The following RAB3GAP1 variants were observed in gnomAD, a reference collection of about 807,000 sequenced individuals.
The protein encoded by RAB3GAP1 is RAB3 GTPase activating protein catalytic subunit 1.
RAB3GAP1 carries 86 observed loss-of-function variants against 130.7 expected under a neutral mutation model. The observed-to-expected ratio is 0.66, with a 90% CI of 0.55 to 0.79. The LOEUF (loss-of-function observed/expected upper bound fraction) is 0.79. Among genes scored for constraint, RAB3GAP1 ranks in the 30% least tolerant of loss-of-function variants. The pLI is 0.00. For synonymous variants in RAB3GAP1, 367 were observed against 401.7 expected (o/e 0.91, Z 1.03); for missense variants, 1,029 against 1,169.4 (o/e 0.88, Z 1.75).
rs547455715 is a variant in RAB3GAP1, at chr2:135,129,882, AC to A, written c.974-112del. ...TTCAATGGAAAAACTGAATGGTTTT[AC>A]TTTCTACCATATCTTAGTTAATAGC... On this transcript the variant is annotated intron_variant, in intron 11 of 23. Transcript: ENST00000264158. The A allele has an allele frequency of 2.3e-4, 166 of 735,024 alleles. 1 individual carries two copies. The African/African-American group carries it at 2.4e-3, about 10-fold the overall frequency. The allele number at this position is 735,024 out of a possible 1,614,324, so 45.5% of individuals were successfully genotyped here. A position where few individuals can be genotyped will look rare whatever the true frequency, so the allele number is the denominator to read the frequency against.
At chr2:135,087,909 G>T (rs1437656902) in intron 3 of RAB3GAP1, among the ~76,000 whole-genome samples, 1 of 152,130 alleles carries the variant, frequency 6.6e-6, no homozygotes, top group Admixed American at 6.5e-5. Context: ...CAGTTTTGAT[G>T]AACTAGAATT....
At chr2:135,082,434 TACAC>T (rs1689851401) in intron 3 of RAB3GAP1, among the ~76,000 whole-genome samples, 2 of 151,692 alleles carry the variant, frequency 1.3e-5, no homozygotes, top group African/African-American at 4.8e-5. Context: ...AATCATATAA[TACAC>T]ACACTTTTTT....
rs575582659 is a variant in RAB3GAP1, at chr2:135,125,976, A to G, written c.831-205A>G. Among the ~76,000 whole-genome samples, 3 of 152,222 alleles carry G rather than the reference A, an allele frequency of 2.0e-5. No homozygotes were observed. In the East Asian group the frequency reaches 5.8e-4, roughly 29 times the overall value. ...GGTGGGTTATTTATGCTTTTTGGCTATTATGTATAATGAGATGAATGTTTG... is the reference window on the plus strand; with the variant it reads ...GGTGGGTTATTTATGCTTTTTGGCTGTTATGTATAATGAGATGAATGTTTG... On this transcript the variant is annotated intron_variant, in intron 9 of 23. Coordinates refer to ENST00000264158, the MANE Select transcript of RAB3GAP1 (RefSeq NM_012233.3).
At chr2:135,063,507 T>C (rs1440582989) in intron 3 of RAB3GAP1, among the ~76,000 whole-genome samples, 1 of 152,162 alleles carries the variant, frequency 6.6e-6, no homozygotes, top group African/African-American at 2.4e-5. Flanking sequence ...TAACCACTCT[T>C]CTACTTTCTG....
chr2:135,163,195 T>A, intron 22 of RAB3GAP1, 94 bp downstream of exon 22: 1 of 838,422 alleles, frequency 1.2e-6, no homozygotes, highest in African/African-American at 1.7e-5. Context: ...GACTCTTTTG[T>A]GGTAATCATA....
chr2:135,144,331 TTTC>T (rs60154573), intron 17 of RAB3GAP1, among the ~76,000 whole-genome samples: 9,066 of 152,176 alleles, frequency 0.06, 518 homozygotes, highest in African/African-American at 0.15. Flanking sequence ...AGTCGGGTGG[TTTC>T]TCTCTAAGTA....
At chr2:135,052,663 G>A (rs926145960) in intron 2 of RAB3GAP1, among the ~76,000 whole-genome samples, 178 bp downstream of exon 2, 1 of 152,160 alleles carries the variant, frequency 6.6e-6, no homozygotes, top group East Asian at 1.9e-4. Flanking sequence ...CGCGTCTCGC[G>A]TCTGGCAACA....
chr2:135,135,143 G>A, intron 15 of RAB3GAP1, 122 bp from the exon 16 acceptor site: 1 of 802,018 alleles, frequency 1.2e-6, no homozygotes, highest in Non-Finnish European at 2.1e-6. Flanking sequence ...TACCTTACCT[G>A]TGGAAATCTA....
At chr2:135,063,776 A>G (rs1051383696) in intron 3 of RAB3GAP1, among the ~76,000 whole-genome samples, 13 of 152,198 alleles carry the variant, frequency 8.5e-5, no homozygotes, top group African/African-American at 2.7e-4. Flanking sequence ...TAATGCTGCT[A>G]TGAACGTGAA....
rs1156713470 is a variant in RAB3GAP1, at chr2:135,164,117, C to T, written c.2607-477C>T. On this transcript the variant is annotated intron_variant, in intron 22 of 23. Coordinates refer to ENST00000264158, the MANE Select transcript of RAB3GAP1 (RefSeq NM_012233.3). ...TCAGTGTTTCCAGCATCTAATGGCA[C>T]AGTTTACAATTGCGACTTTGCCCAA... is the stretch of plus-strand genomic sequence containing the variant. Among the ~76,000 whole-genome samples the T allele has an allele frequency of 3.3e-5, 5 of 152,160 alleles. No homozygotes were observed. In the South Asian group the frequency reaches 1.0e-3, roughly 32 times the overall value.
In RAB3GAP1 at chr2:135,113,151, G is replaced by C; in HGVS notation, c.363G>C (p.Trp121Cys). The C allele has an allele frequency of 1.2e-6, 2 of 1,614,008 alleles. No homozygotes were observed. The highest frequency in any genetic ancestry group is 1.7e-6 in the Non-Finnish European group (2 of 1,179,990). ...FPPRAHCLVR[W>C]YGLREFVVIA... ...TAATGCAGTTAATTCTTTTTTTAAGGTATGGGCTACGTGAGTTCGTGGTGA... is the reference window on the plus strand; with the variant it reads ...TAATGCAGTTAATTCTTTTTTTAAGCTATGGGCTACGTGAGTTCGTGGTGA... The change falls in exon 6 of 24, where the codon TGG (tryptophan) becomes TGC (cysteine). Residue 121 changes from tryptophan to cysteine, a missense_variant and splice_region_variant. By Grantham distance (215) the Trp-to-Cys change is radical. This residue lies in a region of RAB3GAP1 where 510 missense variants were observed against 532.1 expected (regional missense o/e 0.96). Coordinates refer to ENST00000264158, the MANE Select transcript of RAB3GAP1 (RefSeq NM_012233.3).
In RAB3GAP1 at chr2:135,129,497, G is replaced by A. The variant is rs151299304; in HGVS notation, c.974-498G>A. ...AATAAAAAATAATAGTAATAATGAC[G>A]GAAAGAATACCATTAATATGTAGCA... On this transcript the variant is annotated intron_variant, in intron 11 of 23. Transcript: ENST00000264158. Among the ~76,000 whole-genome samples the A allele has an allele frequency of 1.6e-3, 238 of 151,328 alleles. 5 individuals carry two copies. Among genetic ancestry groups the A allele is most frequent in the Admixed American group, 0.011 (171 of 15,216 alleles).
rs1164931228 is a variant in RAB3GAP1 at position 135,124,256 on chromosome 2, T to G, written c.830+10T>G. On this transcript the variant is annotated intron_variant, in intron 9 of 23. Transcript: ENST00000264158. ...GCGAAGATCCTATTAGGTGAGAATT[T>G]CAACCTGTCATTTGAATTGTGGGAA... 6.2e-7 allele frequency: 1 copy of G among 1,608,748 alleles called. No individual in the cohort carries two copies. Among genetic ancestry groups the G allele is most frequent in the East Asian group, 2.2e-5 (1 of 44,856 alleles).
chr2:135,058,130 A>G, intron 3 of RAB3GAP1, 44 bp downstream of exon 3: 1 of 1,504,660 alleles, frequency 6.6e-7, no homozygotes, highest in Non-Finnish European at 9.2e-7. Flanking sequence ...ATTTACTTTG[A>G]AACCTCTATT....
At chr2:135,171,635 C>A (rs1296115902), downstream of RAB3GAP1, among the ~76,000 whole-genome samples, 1 of 152,136 alleles carries the variant, frequency 6.6e-6, no homozygotes, top group East Asian at 1.9e-4. Context: ...GTTTATATTT[C>A]ATTCATTAGT....
At position 135,157,914 on chromosome 2, in the gene RAB3GAP1, T is replaced by C. The variant is rs1692360633; in HGVS notation, c.2289+4038T>C. 2.0e-5 allele frequency among the ~76,000 whole-genome samples: 3 copies of C among 151,990 alleles called. 1 individual carries two copies. The highest frequency in any genetic ancestry group is 4.2e-4 in the South Asian group (2 of 4,812). ...TTTTGTAATGATACGGGTACAGCAA[T>C]TGTGAAACTCTTTTAGATGTATTAT... On this transcript the variant is annotated intron_variant, in intron 19 of 23. Transcript: ENST00000264158.
At position 135,065,968 on chromosome 2, in the gene RAB3GAP1, T is replaced by C. The variant is rs1391639244; in HGVS notation, c.150+7882T>C. 2.0e-5 allele frequency among the ~76,000 whole-genome samples: 3 copies of C among 151,684 alleles called. No individual in the cohort carries two copies. The East Asian group carries it at 5.8e-4, about 29-fold the overall frequency. On this transcript the variant is annotated intron_variant, in intron 3 of 23. Transcript: ENST00000264158. The stretch of plus-strand genomic sequence containing the variant: ...TTTTGTATTTTTAGTAGAGATGAGG[T>C]TTCACCATGTTGGCCAGAATGGTCT...
chr2:135,059,580 A>G (rs553732959), intron 3 of RAB3GAP1, among the ~76,000 whole-genome samples: 22 of 152,312 alleles, frequency 1.4e-4, no homozygotes, highest in African/African-American at 5.1e-4. Flanking sequence ...GCATATAATC[A>G]AATCAGGGTA....
At chr2:135,055,207 G>A (rs1688975941) in intron 2 of RAB3GAP1, among the ~76,000 whole-genome samples, 1 of 152,104 alleles carries the variant, frequency 6.6e-6, no homozygotes, top group African/African-American at 2.4e-5. Context: ...TCTTATAAGA[G>A]CCTATAACAG....
Sources: gnomAD v4.1 joint callset for allele counts (sites outside exome capture counted in the v4.1 genomes callset) on GRCh38, gnomAD v4.1.1 for gene constraint, gnomAD v4.1.1 regional missense constraint, MANE v1.5 for transcripts, NCBI Gene and HGNC (gene_info 2026-07-23, HGNC 2026-07-21) for gene names.